SPMIP6: variants seen among roughly 807,000 people sequenced by gnomAD.
SPMIP6 encodes the protein sperm microtubule inner protein 6, also known as ciliated bronchial epithelial protein 1.
chr9:34,379,848 C>T, the SPMIP6 span: 1 of 738,034 alleles, frequency 1.4e-6, no homozygotes, highest in Admixed American at 2.4e-5. The surrounding 1 kb of genome is among the most constrained non-coding windows in gnomAD (Gnocchi z 4.2). Flanking sequence ...CTCGGAAATC[C>T]TCCTCTCCTT....
the SPMIP6 span, chr9:34,382,560 G>A: frequency 1.7e-6 from 1 of 577,204 alleles, no homozygotes; most frequent in African/African-American, 1.9e-5. Context: ...GCTCCAGCCT[G>A]GGTGATAGAG....
At chr9:34,396,189 G>C in the SPMIP6 span, among the ~76,000 whole-genome samples, 1 of 151,558 alleles carries the variant, frequency 6.6e-6, no homozygotes, top group Non-Finnish European at 1.5e-5. Context: ...TTCCTGAAAG[G>C]GCATACGATA....
At chr9:34,379,828 C>G in the SPMIP6 span, 1 of 901,682 alleles carries the variant, frequency 1.1e-6, no homozygotes, top group Non-Finnish European at 1.8e-6. The surrounding 1 kb of genome is among the most constrained non-coding windows in gnomAD (Gnocchi z 4.2). Flanking sequence ...TTCAGGTGTC[C>G]GTCCCAAGGC....
chr9:34,397,347 G>T, the SPMIP6 span: 1 of 794,322 alleles, frequency 1.3e-6, no homozygotes, highest in Non-Finnish European at 2.1e-6. Flanking sequence ...AGGATTTTGT[G>T]CTGTTTTACA....
At chr9:34,385,303 G>A in the SPMIP6 span, among the ~76,000 whole-genome samples, 29 of 151,828 alleles carry the variant, frequency 1.9e-4, no homozygotes, top group Admixed American at 1.3e-4. Flanking sequence ...AGGCCGAGGC[G>A]GGCAGATCAC....
chr9:34,397,654 G>C, the SPMIP6 span: 68 of 1,569,156 alleles, frequency 4.3e-5, 1 homozygote, highest in South Asian at 7.8e-4. Flanking sequence ...TGGAGATGCC[G>C]TGGTGGGCTC....
the SPMIP6 span, chr9:34,381,411 G>A: frequency 5.6e-6 from 9 of 1,613,964 alleles, no homozygotes; most frequent in African/African-American, 1.1e-4. This position sits in a 1 kb window ranked among gnomAD's most constrained non-coding sequence, Gnocchi z 4.4. Context: ...CATTCCAAGG[G>A]CATTCCTCGA....
the SPMIP6 span, chr9:34,382,811 T>C: frequency 4.3e-6 from 7 of 1,614,040 alleles, no homozygotes; most frequent in African/African-American, 5.3e-5. Flanking sequence ...TGTTGTAAGG[T>C]TCCATCCTCC....
the SPMIP6 span, among the ~76,000 whole-genome samples, chr9:34,387,476 A>C: frequency 2.6e-5 from 4 of 152,064 alleles, no homozygotes; most frequent in African/African-American, 9.7e-5. Context: ...ATGTGGGTGC[A>C]TGGGTCCCGT....
chr9:34,380,760 G>A, the SPMIP6 span: 2 of 1,548,064 alleles, frequency 1.3e-6, no homozygotes, highest in Admixed American at 2.0e-5. Flanking sequence ...ACACGGCAGG[G>A]CCTCGAGAGC....
the SPMIP6 span, chr9:34,381,050 A>G: frequency 1.4e-5 from 23 of 1,611,852 alleles, no homozygotes; most frequent in East Asian, 2.2e-5. This position sits in a 1 kb window ranked among gnomAD's most constrained non-coding sequence, Gnocchi z 4.4. Context: ...CAGCGGGTCC[A>G]CGCACCCGCA....
the SPMIP6 span, among the ~76,000 whole-genome samples, chr9:34,395,964 T>C: frequency 6.6e-6 from 1 of 152,204 alleles, no homozygotes; most frequent in East Asian, 1.9e-4. Context: ...TTGAGGTATA[T>C]AGCAAAAGTT....
the SPMIP6 span, chr9:34,397,797 G>T: frequency 1.5e-6 from 1 of 678,106 alleles, no homozygotes; most frequent in Non-Finnish European, 2.4e-6. Flanking sequence ...TTCCCCAACA[G>T]CCTTCCTGCT....
chr9:34,381,407 A>G, the SPMIP6 span: 2 of 1,613,984 alleles, frequency 1.2e-6, no homozygotes, highest in Non-Finnish European at 8.5e-7. This position sits in a 1 kb window ranked among gnomAD's most constrained non-coding sequence, Gnocchi z 4.4. Flanking sequence ...AGGGCATTCC[A>G]AGGGCATTCC....
At chr9:34,397,618 G>C in the SPMIP6 span, 3 of 1,606,704 alleles carry the variant, frequency 1.9e-6, no homozygotes, top group Non-Finnish European at 2.6e-6. Flanking sequence ...CTGGTCTTAC[G>C]GGAGAACAGG....
chr9:34,397,454 G>A, the SPMIP6 span: 2 of 1,601,922 alleles, frequency 1.2e-6, no homozygotes, highest in East Asian at 4.5e-5. Flanking sequence ...CATCCAGACT[G>A]GCCATACACT....
chr9:34,387,628 CACAA>C, the SPMIP6 span, among the ~76,000 whole-genome samples: 1 of 152,202 alleles, frequency 6.6e-6, no homozygotes, highest in Non-Finnish European at 1.5e-5. Context: ...TACACACACA[CACAA>C]ACAAAACAGT....
chr9:34,382,896 A>G, the SPMIP6 span: 1 of 1,388,554 alleles, frequency 7.2e-7, no homozygotes, highest in Non-Finnish European at 1.0e-6. Flanking sequence ...GAGATGTCAA[A>G]TAGTGTTACT....
chr9:34,390,557 T>C, the SPMIP6 span, among the ~76,000 whole-genome samples: 1 of 152,244 alleles, frequency 6.6e-6, no homozygotes, highest in Non-Finnish European at 1.5e-5. Flanking sequence ...CTTGCATTTA[T>C]GAAATAAATA....
Sources: gnomAD v4.1 joint callset for allele counts (sites outside exome capture counted in the v4.1 genomes callset) on GRCh38, gnomAD v4.1.1 for gene constraint, Gnocchi (gnomAD v3.1) non-coding constraint, MANE v1.5 for transcripts, NCBI Gene and HGNC (gene_info 2026-07-23, HGNC 2026-07-21) for gene names.